The following UBE2D4 variants were observed in gnomAD, a reference collection of about 807,000 sequenced individuals.
The protein encoded by UBE2D4 is ubiquitin-conjugating enzyme E2 D4.
Under a neutral mutation model 23.0 loss-of-function variants are expected in UBE2D4, and 17 were observed. The observed-to-expected ratio is 0.74, with a 90% CI of 0.51 to 1.11. The LOEUF is 1.11. Ranked by LOEUF, UBE2D4 falls within the 50% of genes least tolerant of loss-of-function variation. The pLI is 0.00. For missense variants in UBE2D4, 139 were observed against 181.8 expected (o/e 0.76, Z 1.35); for synonymous variants, 61 against 69.4 (o/e 0.88, Z 0.60).
chr7:43,943,220 C>G, intron 4 of UBE2D4, 189 bp downstream of exon 4: 1 of 633,002 alleles, frequency 1.6e-6, no homozygotes, highest in South Asian at 1.9e-5. Flanking sequence ...CTGTTGTGAT[C>G]AAGGGTCAGT....
chr7:43,939,003 C>T (rs78511138), intron 2 of UBE2D4, among the ~76,000 whole-genome samples: 2,475 of 152,334 alleles, frequency 0.016, 62 homozygotes, highest in African/African-American at 0.056. Flanking sequence ...GTAGAACCTG[C>T]ACTGCCTCTC....
At chr7:43,934,117 A>T (rs2095953158) in intron 1 of UBE2D4, among the ~76,000 whole-genome samples, 2 of 152,214 alleles carry the variant, frequency 1.3e-5, no homozygotes, top group Admixed American at 1.3e-4. Flanking sequence ...AAGGACTGGA[A>T]TTTCCTAATT....
At chr7:43,926,826 C>T (rs2095932264) in intron 1 of UBE2D4, among the ~76,000 whole-genome samples, 1 of 152,244 alleles carries the variant, frequency 6.6e-6, no homozygotes, top group South Asian at 2.1e-4. Flanking sequence ...GGCTTCTGGA[C>T]AGCGGGTTCC....
Position 43,955,335 on chromosome 7 carries a change from T to C in UBE2D4, c.*2640T>C, listed in dbSNP as rs1585897957. On this transcript the variant is annotated 3_prime_UTR_variant, in exon 7 of 7. Coordinates refer to ENST00000222402, the MANE Select transcript of UBE2D4 (RefSeq NM_015983.4). ...CAAGAGTGATCAGAAAGGTGCTTGA[T>C]CTTGAACAATTGATCCATGATGAAA... The C allele has an allele frequency of 6.6e-6, 1 of 152,138 alleles. No individual in the cohort carries two copies. Among genetic ancestry groups the C allele is most frequent in the South Asian group, 2.1e-4 (1 of 4,830 alleles). 9.4% of individuals were successfully genotyped at this position (152,138 alleles called of 1,614,324 possible). A position where few individuals can be genotyped will look rare whatever the true frequency, so the allele number is the denominator to read the frequency against.
chr7:43,928,543 T>G (rs111942830), intron 1 of UBE2D4, among the ~76,000 whole-genome samples: 6 of 152,216 alleles, frequency 3.9e-5, no homozygotes, highest in African/African-American at 1.4e-4. Flanking sequence ...CTGAGATCTG[T>G]GTTCTAAAAA....
At chr7:43,930,838 C>A (rs1585854389) in intron 1 of UBE2D4, among the ~76,000 whole-genome samples, 1 of 151,932 alleles carries the variant, frequency 6.6e-6, no homozygotes, top group Admixed American at 6.6e-5. Context: ...TCTTGCATTG[C>A]TGTTAGGAAA....
intron 4 of UBE2D4, among the ~76,000 whole-genome samples, chr7:43,946,736 A>C (rs1387179551): frequency 6.6e-6 from 1 of 152,108 alleles, no homozygotes; most frequent in Non-Finnish European, 1.5e-5. Context: ...CTTTTGTTAC[A>C]GTGGTTATCC....
rs540129217 is a variant in UBE2D4, at chr7:43,933,034, ATATG to A, written c.25-5391_25-5388del. On this transcript the variant is annotated intron_variant, in intron 1 of 6. Transcript: ENST00000222402. ...TATATACACACACATATATATACAC[ATATG>A]TATGTGTGTATATATATAACATATA... Among the ~76,000 whole-genome samples the A allele has an allele frequency of 4.6e-3, 658 of 144,462 alleles. 11 individuals are homozygous for A. The highest frequency in any genetic ancestry group is 0.016 in the African/African-American group (619 of 38,262). 94.8% of individuals were successfully genotyped at this position (144,462 alleles called of 152,430 possible).
intron 5 of UBE2D4, 31 bp from the exon 6 acceptor site, chr7:43,950,568 A>C: frequency 6.3e-7 from 1 of 1,590,764 alleles, no homozygotes; most frequent in South Asian, 1.1e-5. Context: ...CTTCGTGGCT[A>C]CAGCTGACCA....
intron 5 of UBE2D4, among the ~76,000 whole-genome samples, chr7:43,950,179 A>T (rs1299501836): frequency 6.6e-6 from 1 of 152,110 alleles, no homozygotes; most frequent in African/African-American, 2.4e-5. Flanking sequence ...TAATCCATTT[A>T]TTGGGTGTTC....
At chr7:43,932,045 G>A (rs928226679) in intron 1 of UBE2D4, among the ~76,000 whole-genome samples, 1 of 151,642 alleles carries the variant, frequency 6.6e-6, no homozygotes, top group Non-Finnish European at 1.5e-5. Flanking sequence ...CTGGAGTGCA[G>A]TGGCACGATC....
At chr7:43,939,698 A>ACT (rs2095966865) in intron 2 of UBE2D4, among the ~76,000 whole-genome samples, 1 of 152,252 alleles carries the variant, frequency 6.6e-6, no homozygotes, top group Admixed American at 6.5e-5. Flanking sequence ...GATGACAGAT[A>ACT]AACAAAATAT....
rs565864980 is a variant in UBE2D4 at position 43,953,184 on chromosome 7, G to A, written c.*489G>A. On this transcript the variant is annotated 3_prime_UTR_variant, in exon 7 of 7. Transcript: ENST00000222402. ...CTGCTGCAGAACCACATCCTGAGGAGTCTCAGCTTATCCTGGAGGGAATTG... is the reference window on the plus strand; with the variant it reads ...CTGCTGCAGAACCACATCCTGAGGAATCTCAGCTTATCCTGGAGGGAATTG... The A allele has an allele frequency of 1.5e-5, 7 of 456,770 alleles. No homozygotes were observed. The highest frequency in any genetic ancestry group is 2.2e-5 in the Non-Finnish European group (5 of 226,988). The allele number at this position is 456,770 out of a possible 1,614,324, so 28.3% of individuals were successfully genotyped here. A position where few individuals can be genotyped will look rare whatever the true frequency, so the allele number is the denominator to read the frequency against.
At chr7:43,940,894 A>AG (rs1194335962) in intron 2 of UBE2D4, 2 of 151,784 alleles carry the variant, frequency 1.3e-5, no homozygotes, top group Non-Finnish European at 2.9e-5. Context: ...CAAAAGCAAA[A>AG]AAAAGTGATA....
rs2096005875 is a variant in UBE2D4, at chr7:43,952,793, A to T, written c.*98A>T. The T allele has an allele frequency of 2.0e-6, 2 of 994,980 alleles. No homozygotes were observed. The highest frequency in any genetic ancestry group is 2.6e-5 in the South Asian group (2 of 77,420). 61.6% of individuals were successfully genotyped at this position (994,980 alleles called of 1,614,324 possible). A position where few individuals can be genotyped will look rare whatever the true frequency, so the allele number is the denominator to read the frequency against. On this transcript the variant is annotated 3_prime_UTR_variant, in exon 7 of 7. Coordinates refer to ENST00000222402, the MANE Select transcript of UBE2D4 (RefSeq NM_015983.4). Reference sequence around the variant, plus strand: ...CTGTTGGCTGAGCCATTCAAAGAGCATCATCTGTTCTTCAAACAAATGTTG... The same window carrying T: ...CTGTTGGCTGAGCCATTCAAAGAGCTTCATCTGTTCTTCAAACAAATGTTG...
At chr7:43,934,731 TA>T (rs911775954) in intron 1 of UBE2D4, among the ~76,000 whole-genome samples, 2 of 151,526 alleles carry the variant, frequency 1.3e-5, no homozygotes, top group African/African-American at 4.9e-5. Flanking sequence ...TACATATAAC[TA>T]AAAAAAATAT....
rs57093593 is a variant in UBE2D4, at chr7:43,932,984, GTATATATATATATATATATA to G, written c.25-5436_25-5417del. On this transcript the variant is annotated intron_variant, in intron 1 of 6. Coordinates refer to ENST00000222402, the MANE Select transcript of UBE2D4 (RefSeq NM_015983.4). ...CCTCCTGGGGGCAACAAATGTTAAA[GTATATATATATATATATATA>G]TATATATATACACACACATATATAT... 9.3e-5 allele frequency among the ~76,000 whole-genome samples: 8 copies of G among 85,794 alleles called. 1 individual carries two copies. The East Asian group carries it at 1.9e-3, about 21-fold the overall frequency. The allele number at this position is 85,794 out of a possible 152,430, so 56.3% of individuals were successfully genotyped here. A position where few individuals can be genotyped will look rare whatever the true frequency, so the allele number is the denominator to read the frequency against.
Position 43,954,269 on chromosome 7 carries a change from T to TTC in UBE2D4, c.*1575_*1576insCT. On this transcript the variant is annotated 3_prime_UTR_variant, in exon 7 of 7. Transcript: ENST00000222402. Reference sequence around the variant, plus strand: ...TGTTGAGGATTGCCTTTTTTTTTTTTTTTTTTTTTTTTTTTTAACACAGAG... The same window carrying TTC: ...TGTTGAGGATTGCCTTTTTTTTTTTTTCTTTTTTTTTTTTTTTTAACACAGAG... 6.9e-6 allele frequency: 1 copy of TTC among 144,518 alleles called. No homozygotes were observed. Among genetic ancestry groups the TTC allele is most frequent in the African/African-American group, 2.6e-5 (1 of 38,646 alleles). 9.0% of individuals were successfully genotyped at this position (144,518 alleles called of 1,614,324 possible).
chr7:43,951,445 C>G (rs1484961893), intron 6 of UBE2D4, among the ~76,000 whole-genome samples: 1 of 152,164 alleles, frequency 6.6e-6, no homozygotes, highest in Non-Finnish European at 1.5e-5. Flanking sequence ...ATTGCTAGCC[C>G]TTTTAAAAGA....
Sources: allele counts gnomAD v4.1 joint callset (sites outside exome capture counted in the v4.1 genomes callset), GRCh38; gene constraint gnomAD v4.1.1; transcripts MANE v1.5; gene names NCBI Gene and HGNC (gene_info 2026-07-23, HGNC 2026-07-21).